TSHZ3: variants seen among roughly 807,000 people sequenced by gnomAD.
TSHZ3 encodes the protein teashirt zinc finger homeobox 3.
Under a neutral mutation model 64.5 loss-of-function variants are expected in TSHZ3, and 10 were observed. The ratio of observed to expected loss-of-function variants is 0.16; its 90% CI spans 0.10 to 0.26. The LOEUF is 0.26. TSHZ3 is among the 10% of genes least tolerant of loss of function. The probability of loss-of-function intolerance (pLI) is 1.00; values close to 1 mark genes in which losing one functional copy is unlikely to be tolerated. For synonymous variants in TSHZ3, 608 were observed against 593.1 expected, an observed-to-expected ratio of 1.03 and a Z score of -0.36; for missense variants, 1,242 against 1,421.7, an observed-to-expected ratio of 0.87 and a Z score of 2.03.
downstream of TSHZ3, among the ~76,000 whole-genome samples, chr19:31,272,167 GTC>G (rs763960405): frequency 6.6e-6 from 1 of 152,162 alleles, no homozygotes; most frequent in Non-Finnish European, 1.5e-5. Context: ...GTCAGCTCCT[GTC>G]TCTCTGCCAC....
At chr19:31,339,904 TA>T (rs35723828) in intron 1 of TSHZ3, among the ~76,000 whole-genome samples, 259 of 144,800 alleles carry the variant, frequency 1.8e-3, no homozygotes, top group Middle Eastern at 3.5e-3. Flanking sequence ...AAATTGACTT[TA>T]AAAAAAAAAA....
At chr19:31,345,534 G>A (rs1917564416) in intron 1 of TSHZ3, among the ~76,000 whole-genome samples, 1 of 152,156 alleles carries the variant, frequency 6.6e-6, no homozygotes, top group African/African-American at 2.4e-5. Flanking sequence ...AGACCCTAGG[G>A]GGTCCAAGTC....
intron 1 of TSHZ3, among the ~76,000 whole-genome samples, chr19:31,331,994 T>C (rs1247222808): frequency 6.6e-6 from 1 of 152,126 alleles, no homozygotes; most frequent in East Asian, 1.9e-4. Context: ...ACCAAGGGTG[T>C]TCCCTTCTCA....
intron 1 of TSHZ3, among the ~76,000 whole-genome samples, chr19:31,249,659 A>G (rs563156169): frequency 6.6e-6 from 1 of 152,218 alleles, no homozygotes; most frequent in Non-Finnish European, 1.5e-5. Context: ...AAAACCTCGA[A>G]TACGCCTCCG....
chr19:31,238,509 GC>G (rs1258323905), intron 3 of TSHZ3, among the ~76,000 whole-genome samples: 2 of 152,080 alleles, frequency 1.3e-5, no homozygotes, highest in Non-Finnish European at 2.9e-5. Flanking sequence ...GCCTACCTTG[GC>G]CTCCCAAATT....
At chr19:31,225,044 G>A (rs923325916) in intron 4 of TSHZ3, among the ~76,000 whole-genome samples, 2 of 152,212 alleles carry the variant, frequency 1.3e-5, no homozygotes, top group Non-Finnish European at 1.5e-5. Context: ...GAGAAGAGGA[G>A]GCCAGACCTG....
chr19:31,308,495 GTCA>G (rs55671112), intron 1 of TSHZ3: 130,029 of 393,346 alleles, frequency 0.33, 23,811 homozygotes, highest in East Asian at 0.48. Flanking sequence ...CCAATTGTTT[GTCA>G]TCGTCTCCAG....
At chr19:31,318,867 C>T (rs1001270544) in intron 1 of TSHZ3, among the ~76,000 whole-genome samples, 7 of 152,262 alleles carry the variant, frequency 4.6e-5, no homozygotes, top group Admixed American at 2.0e-4. Flanking sequence ...ACAAACGATC[C>T]GGTCACCAAT....
intron 5 of TSHZ3, among the ~76,000 whole-genome samples, chr19:31,175,181 G>A (rs1974590361): frequency 6.6e-6 from 1 of 152,218 alleles, no homozygotes; most frequent in Non-Finnish European, 1.5e-5. Flanking sequence ...GAGCTGGATA[G>A]ACACAGGTCA....
intron 1 of TSHZ3, among the ~76,000 whole-genome samples, chr19:31,313,069 C>T (rs1333661647): frequency 1.3e-5 from 2 of 152,044 alleles, no homozygotes; most frequent in African/African-American, 2.4e-5. Flanking sequence ...TATGCAGAAA[C>T]GTCAAACAGC....
At chr19:31,221,933 C>T (rs1237949195) in intron 4 of TSHZ3, among the ~76,000 whole-genome samples, 1 of 152,142 alleles carries the variant, frequency 6.6e-6, no homozygotes, top group African/African-American at 2.4e-5. Context: ...ACCTTTGCAA[C>T]CAGCCTCTCT....
At chr19:31,243,999 G>T (rs1318653462) in intron 1 of TSHZ3, among the ~76,000 whole-genome samples, 1 of 152,106 alleles carries the variant, frequency 6.6e-6, no homozygotes, top group Non-Finnish European at 1.5e-5. Flanking sequence ...ATAACTTTTG[G>T]CCTGGGATTT....
At position 31,279,503 on chromosome 19, in the gene TSHZ3, T is replaced by C; in HGVS notation, c.290A>G (p.Glu97Gly). ...TGGGACCGTGACCTCCTTGGTCTCCTCTTCGTTCTTGATGGAGCCGCTTTC... is the reference window on the plus strand; with the variant it reads ...TGGGACCGTGACCTCCTTGGTCTCCCCTTCGTTCTTGATGGAGCCGCTTTC... ...DFESGSIKNEEETKEVTVPLE... is the reference protein window; with the variant it reads ...DFESGSIKNEGETKEVTVPLE... The change falls in exon 2 of 2, where the codon GAG becomes GGG. Residue 97 changes from glutamate to glycine, a missense_variant. Physicochemically the swap from Glu to Gly is moderately conservative, Grantham distance 98. Around this residue, in one of 4 missense-constraint regions of TSHZ3, gnomAD observed 555 missense variants for 704.0 expected, o/e 0.79. Coordinates refer to ENST00000240587, the MANE Select transcript of TSHZ3 (RefSeq NM_020856.4). This position sits in a 1 kb window ranked among gnomAD's most constrained non-coding sequence, Gnocchi z 6.4. 2 of 1,613,712 alleles carry C rather than the reference T, an allele frequency of 1.2e-6. No homozygotes were observed. Among genetic ancestry groups the C allele is most frequent in the Middle Eastern group, 1.7e-4 (1 of 6,060 alleles).
chr19:31,222,408 A>C (rs1022139796), intron 4 of TSHZ3, among the ~76,000 whole-genome samples: 1 of 152,216 alleles, frequency 6.6e-6, no homozygotes, highest in African/African-American at 2.4e-5. Flanking sequence ...AGATGAAAAG[A>C]GACAAGTAGG....
chr19:31,296,263 T>C (rs916592690), intron 1 of TSHZ3, among the ~76,000 whole-genome samples: 1 of 149,768 alleles, frequency 6.7e-6, no homozygotes, highest in Non-Finnish European at 1.5e-5. Context: ...AGGAAACGGG[T>C]GCCCTTCTGC....
At chr19:31,216,845 A>G (rs2145164633) in intron 4 of TSHZ3, among the ~76,000 whole-genome samples, 1 of 150,956 alleles carries the variant, frequency 6.6e-6, no homozygotes, top group African/African-American at 2.4e-5. Context: ...TTTTGTAGAG[A>G]CATGGTTTCA....
At chr19:31,338,846 C>CT (rs146059675) in intron 1 of TSHZ3, among the ~76,000 whole-genome samples, 23,775 of 149,354 alleles carry the variant, frequency 0.16, 2,331 homozygotes, top group East Asian at 0.46. Context: ...TTTCTTTTTT[C>CT]TTTTTTTTCC....
intron 1 of TSHZ3, chr19:31,308,497 CA>C: frequency 5.5e-6 from 1 of 180,768 alleles, no homozygotes; most frequent in Non-Finnish European, 1.1e-5. Flanking sequence ...AATTGTTTGT[CA>C]TCGTCTCCAG....
rs1164252025 is a variant in TSHZ3 at position 31,277,763 on chromosome 19, C to A, written c.2030G>T (p.Gly677Val). Reference sequence around the variant, plus strand: ...AGCGAGGGGGCTCCCATCCTTGCACCCATCCCGCGGGGGGCTGGGGCTGTT... The same window carrying A: ...AGCGAGGGGGCTCCCATCCTTGCACACATCCCGCGGGGGGCTGGGGCTGTT... The part of the protein sequence containing the change: ...QENSPSPPRD[G>V]CKDGSPLAEP... The change falls in exon 2 of 2, where the codon GGG (glycine) becomes GTG (valine). Residue 677 changes from glycine (G) to valine (V), a missense_variant. By Grantham distance (109) the Gly-to-Val change is moderately radical. Around this residue, in one of 4 missense-constraint regions of TSHZ3, gnomAD observed 550 missense variants for 545.1 expected, o/e 1.01. Coordinates refer to ENST00000240587, the MANE Select transcript of TSHZ3 (RefSeq NM_020856.4). The surrounding 1 kb of genome is among the most constrained non-coding windows in gnomAD (Gnocchi z 4.5). 6.5e-7 allele frequency: 1 copy of A among 1,529,254 alleles called. No homozygotes were observed. The highest frequency in any genetic ancestry group is 8.8e-7 in the Non-Finnish European group (1 of 1,141,694). The allele number at this position is 1,529,254 out of a possible 1,614,324, so 94.7% of individuals were successfully genotyped here.
Sources: gnomAD v4.1 joint callset for allele counts (sites outside exome capture counted in the v4.1 genomes callset) on GRCh38, gnomAD v4.1.1 for gene constraint, gnomAD v4.1.1 regional missense constraint, Gnocchi (gnomAD v3.1) non-coding constraint, MANE v1.5 for transcripts, NCBI Gene and HGNC (gene_info 2026-07-23, HGNC 2026-07-21) for gene names.